The following TRAK1 variants were observed in gnomAD, a reference collection of about 807,000 sequenced individuals.
TRAK1 encodes trafficking kinesin protein 1.
A neutral mutation model predicts 92.1 loss-of-function variants in TRAK1; 33 were observed. The ratio of observed to expected loss-of-function variants is 0.36; its 90% CI spans 0.27 to 0.48. The LOEUF (loss-of-function observed/expected upper bound fraction) is 0.48. TRAK1 is among the 20% of genes least tolerant of loss of function. The pLI is 0.99. For synonymous variants in TRAK1, 521 were observed against 517.3 expected (o/e 1.01, Z -0.10); for missense variants, 1,123 against 1,257.9 (o/e 0.89, Z 1.62).
At chr3:42,157,531 C>T (rs1038262919) in intron 2 of TRAK1, among the ~76,000 whole-genome samples, 1 of 146,706 alleles carries the variant, frequency 6.8e-6, no homozygotes, top group Non-Finnish European at 1.5e-5. Flanking sequence ...CAGCAGACGC[C>T]TCCTGAGAAG....
chr3:42,216,085 C>T lies in TRAK1; in HGVS notation c.1964-3409C>T, dbSNP rs76416179. On this transcript the variant is annotated intron_variant, in intron 14 of 15. Coordinates refer to ENST00000327628, the MANE Select transcript of TRAK1 (RefSeq NM_001042646.3). ...ACAAATTGTATTATGGGCGGCCAGA[C>T]GGGCAGAGTTCCAATCATCCTGCAA... Among the ~76,000 whole-genome samples, 1,386 of 152,268 alleles carry T rather than the reference C, an allele frequency of 9.1e-3. 68 individuals are homozygous for T. The East Asian group carries it at 0.16, about 18-fold the overall frequency.
intron 8 of TRAK1, 102 bp downstream of exon 8, chr3:42,193,307 G>A (rs1706097859): frequency 6.7e-7 from 1 of 1,494,156 alleles, no homozygotes; most frequent in Non-Finnish European, 8.9e-7. Context: ...TCATATCTTA[G>A]CAGTTCGTGT....
intron 2 of TRAK1, among the ~76,000 whole-genome samples, chr3:42,133,248 G>A: frequency 6.6e-6 from 1 of 152,148 alleles, no homozygotes; most frequent in Non-Finnish European, 1.5e-5. Flanking sequence ...TATCCAGCCA[G>A]CCTCGTTCCA....
chr3:42,149,314 T>C (rs1699682350), intron 2 of TRAK1: 1 of 1,418,948 alleles, frequency 7.0e-7, no homozygotes, highest in Non-Finnish European at 9.2e-7. Context: ...TGCCTTCCTT[T>C]CTGCTCCTCC....
chr3:42,039,454 C>T (rs1360550516), intron 1 of TRAK1, among the ~76,000 whole-genome samples: 2 of 152,210 alleles, frequency 1.3e-5, no homozygotes, highest in African/African-American at 2.4e-5. Flanking sequence ...ACTTCCGCCT[C>T]CTGGGATCAA....
intron 1 of TRAK1, among the ~76,000 whole-genome samples, chr3:42,056,173 T>G (rs1703197655): frequency 6.6e-6 from 1 of 152,240 alleles, no homozygotes; most frequent in Non-Finnish European, 1.5e-5. Context: ...TGTGGACATT[T>G]GTTTTCATTT....
chr3:42,150,023 G>A (rs1699781267), intron 2 of TRAK1, among the ~76,000 whole-genome samples: 1 of 145,968 alleles, frequency 6.9e-6, no homozygotes, highest in Non-Finnish European at 1.5e-5. Context: ...TGGCTTCCTG[G>A]ACTGTCAGCA....
intron 14 of TRAK1, chr3:42,217,448 A>G (rs2149534987): frequency 2.0e-6 from 2 of 985,416 alleles, no homozygotes; most frequent in Non-Finnish European, 2.4e-6. Flanking sequence ...CCTATCCCCA[A>G]AACCCATTTG....
intron 10 of TRAK1, 123 bp downstream of exon 10, chr3:42,195,064 T>C: frequency 8.3e-7 from 1 of 1,207,394 alleles, no homozygotes; most frequent in Admixed American, 2.6e-5. Flanking sequence ...ACAGTTCAGA[T>C]CTGAGTCTGA....
intron 1 of TRAK1, among the ~76,000 whole-genome samples, chr3:42,070,276 AATAATT>A (rs1054563160): frequency 5.4e-5 from 8 of 148,252 alleles, no homozygotes; most frequent in African/African-American, 7.3e-5. Context: ...AATTATGAAT[AATAATT>A]ATAATTATAT....
chr3:42,099,961 G>GGA (rs1706507231), intron 1 of TRAK1, among the ~76,000 whole-genome samples: 2 of 152,080 alleles, frequency 1.3e-5, no homozygotes, highest in African/African-American at 2.4e-5. Flanking sequence ...GCCTGTCCAG[G>GGA]TGAGGATGCA....
At chr3:42,034,415 C>G (rs1264352838) in intron 1 of TRAK1, among the ~76,000 whole-genome samples, 1 of 152,198 alleles carries the variant, frequency 6.6e-6, no homozygotes, top group Non-Finnish European at 1.5e-5. Context: ...ACCTCAGCCT[C>G]CTGAATAGCT....
chr3:42,082,014 A>G (rs1412578914), intron 1 of TRAK1, among the ~76,000 whole-genome samples: 3 of 152,146 alleles, frequency 2.0e-5, no homozygotes, highest in Non-Finnish European at 4.4e-5. Context: ...TGTTCTTTGG[A>G]TTTCAGAACT....
At position 42,131,228 on chromosome 3, in the gene TRAK1, T is replaced by A. The variant is rs75616469; in HGVS notation, c.286+5614T>A. 6.0e-3 allele frequency among the ~76,000 whole-genome samples: 910 copies of A among 152,236 alleles called. 34 individuals are homozygous for A. In the East Asian group the frequency reaches 0.1, roughly 18 times the overall value. On this transcript the variant is annotated intron_variant, in intron 2 of 15. Transcript: ENST00000327628. ...TGTCTCCCCTCATCCTGTTTGACCC[T>A]TGAGCAGGGCCGACACAGTGGTCGC... is the stretch of plus-strand genomic sequence containing the variant.
intron 3 of TRAK1, among the ~76,000 whole-genome samples, chr3:42,182,493 A>C (rs958059029): frequency 6.6e-6 from 1 of 151,552 alleles, no homozygotes; most frequent in African/African-American, 2.4e-5. Flanking sequence ...GGGTTTTGCC[A>C]TGTTGGCCAG....
chr3:42,225,663 A>G lies in TRAK1; in HGVS notation c.*1926A>G, dbSNP rs959412529. On this transcript the variant is annotated 3_prime_UTR_variant, in exon 16 of 16. Coordinates refer to ENST00000327628, the MANE Select transcript of TRAK1 (RefSeq NM_001042646.3). ...AATACTTAGTATAGTAAATAAATAA[A>G]CGGTCAACATTGTGCAACCACTACC... 1 of 152,216 alleles carries G rather than the reference A, an allele frequency of 6.6e-6. No individual in the cohort carries two copies. Among genetic ancestry groups the G allele is most frequent in the Non-Finnish European group, 1.5e-5 (1 of 68,028 alleles). The allele number at this position is 152,216 out of a possible 1,614,324, so 9.4% of individuals were successfully genotyped here.
chr3:42,105,335 G>C (rs529027478), intron 1 of TRAK1, among the ~76,000 whole-genome samples: 2 of 152,274 alleles, frequency 1.3e-5, no homozygotes, highest in Admixed American at 6.5e-5. Flanking sequence ...TGACTTGATG[G>C]AGCTGAAAAC....
chr3:42,044,854 T>C (rs1391256438), intron 1 of TRAK1, among the ~76,000 whole-genome samples: 1 of 152,264 alleles, frequency 6.6e-6, no homozygotes, highest in African/African-American at 2.4e-5. Flanking sequence ...TTACTTCAAT[T>C]ACACGATTTC....
chr3:42,112,159 T>C (rs1381692320), intron 1 of TRAK1, among the ~76,000 whole-genome samples: 1 of 113,774 alleles, frequency 8.8e-6, no homozygotes, highest in East Asian at 2.6e-4. Flanking sequence ...TTTTTTTTTT[T>C]GAGACGTAGT....
Sources: gnomAD v4.1 joint callset for allele counts (sites outside exome capture counted in the v4.1 genomes callset) on GRCh38, gnomAD v4.1.1 for gene constraint, MANE v1.5 for transcripts, NCBI Gene and HGNC (gene_info 2026-07-23, HGNC 2026-07-21) for gene names.